The following LIPC variants were observed in gnomAD, a reference collection of about 807,000 sequenced individuals.
LIPC encodes hepatic triacylglycerol lipase.
In LIPC, 44 loss-of-function variants were observed where a neutral mutation model predicts 50.7. The ratio of observed to expected loss-of-function variants is 0.87; its 90% CI spans 0.68 to 1.11. The LOEUF is 1.11. Among genes scored for constraint, LIPC ranks in the 50% most tolerant of loss-of-function variants. The probability of loss-of-function intolerance (pLI) is 0.00; values close to 1 mark genes in which losing one functional copy is unlikely to be tolerated. For missense variants in LIPC, 697 were observed against 648.2 expected (o/e 1.08, Z -0.82); for synonymous variants, 271 against 256.4 (o/e 1.06, Z -0.54).
chr15:58,534,067 C>G (rs1384521295), intron 1 of LIPC, among the ~76,000 whole-genome samples: 1 of 152,164 alleles, frequency 6.6e-6, no homozygotes, highest in Non-Finnish European at 1.5e-5. Context: ...AAGCTCTAAG[C>G]TTTCCACCTT....
intron 6 of LIPC, among the ~76,000 whole-genome samples, chr15:58,552,871 C>A (rs1417760517): frequency 6.6e-6 from 1 of 152,120 alleles, no homozygotes; most frequent in Non-Finnish European, 1.5e-5. Context: ...ATGTGGGCAC[C>A]AAGGAAGAGG....
At chr15:58,471,332 G>GGC (rs201484183) in intron 1 of LIPC, among the ~76,000 whole-genome samples, 15 of 138,824 alleles carry the variant, frequency 1.1e-4, no homozygotes, top group Non-Finnish European at 2.2e-4. Context: ...TAGAGATGGG[G>GGC]GGGGGTGGTC....
chr15:58,474,787 C>A (rs1890934947), intron 1 of LIPC, among the ~76,000 whole-genome samples: 1 of 152,128 alleles, frequency 6.6e-6, no homozygotes, highest in Non-Finnish European at 1.5e-5. Context: ...GCATGCAATT[C>A]TCCTCCACTC....
intron 1 of LIPC, among the ~76,000 whole-genome samples, chr15:58,461,393 C>A (rs1442078785): frequency 6.6e-6 from 1 of 152,122 alleles, no homozygotes; most frequent in African/African-American, 2.4e-5. Context: ...AACACAGTCT[C>A]AGTACAGAGC....
At chr15:58,452,231 A>G (rs1355177736) in intron 1 of LIPC, among the ~76,000 whole-genome samples, 2 of 151,872 alleles carry the variant, frequency 1.3e-5, no homozygotes, top group Non-Finnish European at 2.9e-5. Context: ...CCCACTCAAG[A>G]CCTCCTGAAT....
At chr15:58,468,726 G>C (rs115640966) in intron 1 of LIPC, among the ~76,000 whole-genome samples, 1 of 152,190 alleles carries the variant, frequency 6.6e-6, no homozygotes, top group Non-Finnish European at 1.5e-5. Context: ...CCCCAGACCA[G>C]TTCAGATCTA....
intron 1 of LIPC, among the ~76,000 whole-genome samples, chr15:58,449,603 G>A (rs1893830568): frequency 2.6e-5 from 4 of 151,088 alleles, no homozygotes; most frequent in African/African-American, 2.4e-5. Context: ...ACCACGCTGT[G>A]CAGTAGCACG....
At chr15:58,479,948 T>C (rs1595884300) in intron 1 of LIPC, among the ~76,000 whole-genome samples, 2 of 152,318 alleles carry the variant, frequency 1.3e-5, no homozygotes, top group East Asian at 1.9e-4. Context: ...CAGAAAACTA[T>C]GAAAGTGCCT....
chr15:58,543,884 G>C (rs901739635), intron 4 of LIPC, among the ~76,000 whole-genome samples: 6 of 152,106 alleles, frequency 3.9e-5, no homozygotes, highest in Non-Finnish European at 8.8e-5. Context: ...GCCTCCCAAA[G>C]TGCTGGGATT....
chr15:58,564,827 A>G (rs1039957775), intron 8 of LIPC, among the ~76,000 whole-genome samples: 1 of 152,152 alleles, frequency 6.6e-6, no homozygotes, highest in Non-Finnish European at 1.5e-5. Context: ...ACCCTGCCAT[A>G]GCAACCGTGC....
intron 1 of LIPC, among the ~76,000 whole-genome samples, chr15:58,477,081 G>T (rs139442524): frequency 3.3e-5 from 5 of 152,118 alleles, no homozygotes; most frequent in African/African-American, 1.2e-4. Context: ...TCCTATAGGC[G>T]GCCACATTTT....
At chr15:58,466,680 A>G (rs1894576330) in intron 1 of LIPC, among the ~76,000 whole-genome samples, 1 of 152,242 alleles carries the variant, frequency 6.6e-6, no homozygotes, top group Non-Finnish European at 1.5e-5. Context: ...CCCTAAACAC[A>G]TAATGGCTTT....
chr15:58,514,501 A>G (rs1203833639), intron 1 of LIPC, among the ~76,000 whole-genome samples: 18 of 152,210 alleles, frequency 1.2e-4, no homozygotes, highest in Admixed American at 1.2e-3. Context: ...AGACTCAGAA[A>G]GGTTAAACCT....
rs1164951731 is a variant in LIPC, at chr15:58,548,444, T to G, written c.923T>G (p.Phe308Cys). Residue 308 changes from phenylalanine (F) to cysteine (C), a missense_variant, in exon 6 of 9, where the codon TTC becomes TGC. Coordinates refer to ENST00000299022, the MANE Select transcript of LIPC (RefSeq NM_000236.3). ...TACCCGTGTGGTGACATGAACAGCT[T>G]CAGCCAGGGCCTGTGCCTGAGCTGC... ...MAYPCGDMNSFSQGLCLSCKK... is the reference protein window; with the variant it reads ...MAYPCGDMNSCSQGLCLSCKK... The G allele has an allele frequency of 6.2e-7, 1 of 1,613,934 alleles. No homozygotes were observed. The highest frequency in any genetic ancestry group is 1.7e-5 in the Admixed American group (1 of 60,016).
chr15:58,482,123 AGAT>A (rs576377155), intron 1 of LIPC, among the ~76,000 whole-genome samples: 114 of 152,330 alleles, frequency 7.5e-4, no homozygotes, highest in South Asian at 1.5e-3. Flanking sequence ...ATTTTTAATC[AGAT>A]GATGAAGTCA....
At chr15:58,441,535 C>T (rs1001755112) in intron 1 of LIPC, among the ~76,000 whole-genome samples, 4 of 152,142 alleles carry the variant, frequency 2.6e-5, no homozygotes, top group Middle Eastern at 3.4e-3. Flanking sequence ...ATTCACCATC[C>T]GCGGACCATG....
chr15:58,470,699 A>G (rs1449156068), intron 1 of LIPC, among the ~76,000 whole-genome samples: 1 of 150,950 alleles, frequency 6.6e-6, no homozygotes, highest in East Asian at 2.0e-4. Flanking sequence ...TCCCGGGTGC[A>G]CACCATTCTG....
chr15:58,551,680 A>G (rs1411422088), intron 6 of LIPC, among the ~76,000 whole-genome samples: 1 of 152,168 alleles, frequency 6.6e-6, no homozygotes, highest in Non-Finnish European at 1.5e-5. Flanking sequence ...ATTTTGATGA[A>G]TACATATTAC....
At chr15:58,457,566 C>A (rs1476894599) in intron 1 of LIPC, among the ~76,000 whole-genome samples, 1 of 152,238 alleles carries the variant, frequency 6.6e-6, no homozygotes, top group Non-Finnish European at 1.5e-5. Flanking sequence ...GCATGTAAGA[C>A]CACTTCTGCC....
Sources: gnomAD v4.1 joint callset for allele counts (sites outside exome capture counted in the v4.1 genomes callset) on GRCh38, gnomAD v4.1.1 for gene constraint, MANE v1.5 for transcripts, NCBI Gene and HGNC (gene_info 2026-07-23, HGNC 2026-07-21) for gene names.